Variants in JCAD observed in about 807,000 individuals in gnomAD.
JCAD encodes junctional cadherin 5-associated protein.
Under a neutral mutation model 98.0 loss-of-function variants are expected in JCAD, and 40 were observed. That is an observed-to-expected ratio of 0.41 (90% confidence interval 0.32 to 0.53). The LOEUF (loss-of-function observed/expected upper bound fraction) is 0.53, where lower values mean the gene tolerates loss of function less well. JCAD is among the 20% of genes least tolerant of loss of function. The pLI, the probability that JCAD is intolerant of heterozygous loss-of-function variation, is 0.31. For missense variants in JCAD, 1,705 were observed against 1,738.1 expected, an observed-to-expected ratio of 0.98 and a Z score of 0.34; for synonymous variants, 691 against 682.3, an observed-to-expected ratio of 1.01 and a Z score of -0.20.
At chr10:30,108,986 C>T (rs1386072346) in intron 1 of JCAD, among the ~76,000 whole-genome samples, 1 of 152,134 alleles carries the variant, frequency 6.6e-6, no homozygotes, top group Admixed American at 6.5e-5. Context: ...GAGTCCTTGG[C>T]CCAACTTGCT....
chr10:30,051,768 CA>C (rs1309346925), intron 1 of JCAD, among the ~76,000 whole-genome samples: 5 of 151,948 alleles, frequency 3.3e-5, no homozygotes, highest in South Asian at 2.1e-4. Flanking sequence ...GTAACATGCA[CA>C]GGGGGCTGGC....
intron 3 of JCAD, among the ~76,000 whole-genome samples, chr10:30,019,167 C>T (rs1208878742): frequency 6.6e-6 from 1 of 151,742 alleles, no homozygotes; most frequent in African/African-American, 2.4e-5. Flanking sequence ...ACCAGCCTGA[C>T]CAACATGCAA....
At chr10:30,101,660 G>A (rs752496509) in intron 1 of JCAD, among the ~76,000 whole-genome samples, 35 of 151,776 alleles carry the variant, frequency 2.3e-4, no homozygotes, top group Non-Finnish European at 3.5e-4. Flanking sequence ...GAGCCACCAC[G>A]CCCGGCTCAG....
chr10:30,097,073 C>G (rs901278102), intron 1 of JCAD, among the ~76,000 whole-genome samples: 1 of 152,288 alleles, frequency 6.6e-6, no homozygotes, highest in Non-Finnish European at 1.5e-5. Context: ...TGTAGACCAT[C>G]CTATCCACAG....
chr10:30,100,474 TG>T (rs1215201780), intron 1 of JCAD, among the ~76,000 whole-genome samples: 5 of 152,192 alleles, frequency 3.3e-5, no homozygotes, highest in African/African-American at 9.6e-5. Context: ...CTCCGCCTCC[TG>T]GGTTCAAGCA....
upstream of JCAD, among the ~76,000 whole-genome samples, chr10:30,061,516 T>C (rs1769145654): frequency 6.7e-6 from 1 of 148,622 alleles, no homozygotes; most frequent in African/African-American, 2.5e-5. Flanking sequence ...CACTCCAGCC[T>C]GGGCAATAGA....
chr10:30,102,146 G>A (rs779993674), intron 1 of JCAD, among the ~76,000 whole-genome samples: 4 of 152,050 alleles, frequency 2.6e-5, no homozygotes, highest in African/African-American at 4.8e-5. Flanking sequence ...AACACTTTAC[G>A]TAAGATCTTA....
At chr10:30,049,622 C>T (rs1389699007) in intron 1 of JCAD, among the ~76,000 whole-genome samples, 2 of 152,204 alleles carry the variant, frequency 1.3e-5, no homozygotes, top group Non-Finnish European at 2.9e-5. Context: ...CCTGACACTC[C>T]TACTGCATGT....
intron 1 of JCAD, among the ~76,000 whole-genome samples, chr10:30,110,364 C>T (rs1838669261): frequency 6.6e-6 from 1 of 151,924 alleles, no homozygotes; most frequent in African/African-American, 2.4e-5. Context: ...GATATATGAG[C>T]CAGCTGATGT....
At chr10:30,113,908 C>CA (rs1838748702) in intron 1 of JCAD, among the ~76,000 whole-genome samples, 5 of 152,120 alleles carry the variant, frequency 3.3e-5, no homozygotes, top group Non-Finnish European at 7.4e-5. Flanking sequence ...ATGGATCTTG[C>CA]TATGTTGCCC....
In JCAD at chr10:30,027,134, A is replaced by C. The variant is rs765014303; in HGVS notation, c.3014T>G (p.Ile1005Ser). 6.2e-7 allele frequency: 1 copy of C among 1,613,936 alleles called. No homozygotes were observed. Among genetic ancestry groups the C allele is most frequent in the African/African-American group, 1.3e-5 (1 of 74,886 alleles). Residue 1005 changes from isoleucine (I) to serine (S), a missense_variant, in exon 3 of 4, where the codon ATC becomes AGC. This residue lies in a region of JCAD where 1,278 missense variants were observed against 1,243.1 expected (regional missense o/e 1.03). Transcript: ENST00000375377. ...TTTCACAGAGCTGAAAGCACTGGTGATTTTCGGACTTTCCTGGGGCTCCCT... is the reference window on the plus strand; with the variant it reads ...TTTCACAGAGCTGAAAGCACTGGTGCTTTTCGGACTTTCCTGGGGCTCCCT... Reference protein sequence around the residue: ...EPREPQESPKITSAFSSVKPS... With the variant: ...EPREPQESPKSTSAFSSVKPS...
intron 1 of JCAD, among the ~76,000 whole-genome samples, chr10:30,057,301 C>T (rs938597455): frequency 3.3e-5 from 5 of 152,160 alleles, no homozygotes; most frequent in African/African-American, 9.7e-5. Flanking sequence ...TCTGGGCTTT[C>T]TGTACTGATA....
intron 3 of JCAD, among the ~76,000 whole-genome samples, chr10:30,024,688 ATTTTTTTTTTTTT>A: frequency 9.9e-6 from 1 of 100,694 alleles, no homozygotes; most frequent in African/African-American, 4.6e-5. Context: ...GCCCATGTAC[ATTTTTTTTTTTTT>A]TTTTTTTTTT....
intron 1 of JCAD, among the ~76,000 whole-genome samples, chr10:30,053,216 G>C (rs1326185771): frequency 2.0e-5 from 3 of 152,052 alleles, no homozygotes; most frequent in East Asian, 1.9e-4. Context: ...TATAAATGGT[G>C]GGGGGTGGGG....
intron 2 of JCAD, among the ~76,000 whole-genome samples, chr10:30,068,034 T>C (rs865880188): frequency 9.2e-5 from 14 of 152,266 alleles, no homozygotes; most frequent in South Asian, 4.1e-4. Flanking sequence ...CCATCATAGA[T>C]GTGGTCCATG....
At chr10:30,025,854 T>C (rs1415734039) in intron 3 of JCAD, among the ~76,000 whole-genome samples, 5 of 152,102 alleles carry the variant, frequency 3.3e-5, no homozygotes, top group Admixed American at 3.3e-4. Flanking sequence ...ATTGCACAAC[T>C]GCACTCCAGC....
At chr10:30,034,166 T>C (rs1327539104) in intron 2 of JCAD, among the ~76,000 whole-genome samples, 2 of 151,858 alleles carry the variant, frequency 1.3e-5, no homozygotes, top group Non-Finnish European at 2.9e-5. Flanking sequence ...GAGGTTGCAG[T>C]GAGCTGAGAC....
chr10:30,113,760 C>T (rs1337362955), intron 1 of JCAD, among the ~76,000 whole-genome samples: 1 of 152,086 alleles, frequency 6.6e-6, no homozygotes, highest in Non-Finnish European at 1.5e-5. Context: ...CTCCCAGACA[C>T]CCTGGACCCT....
intron 2 of JCAD, among the ~76,000 whole-genome samples, chr10:30,068,408 AAAAAAAAG>A (rs990247153): frequency 4.0e-5 from 6 of 150,306 alleles, no homozygotes; most frequent in African/African-American, 1.5e-4. Flanking sequence ...AAAAAAAAAA[AAAAAAAAG>A]AGGATGTAAA....
Sources: allele counts gnomAD v4.1 joint callset (sites outside exome capture counted in the v4.1 genomes callset), GRCh38; gene constraint gnomAD v4.1.1; regional missense constraint gnomAD v4.1.1; transcripts MANE v1.5; gene names NCBI Gene and HGNC (gene_info 2026-07-23, HGNC 2026-07-21).